Variants in PRAME observed in about 807,000 individuals in gnomAD.
PRAME encodes the protein PRAME nuclear receptor transcriptional regulator.
Under a neutral mutation model 32.1 loss-of-function variants are expected in PRAME, and 21 were observed. The ratio of observed to expected loss-of-function variants is 0.65; its 90% CI spans 0.46 to 0.94. The LOEUF (loss-of-function observed/expected upper bound fraction) is 0.94. PRAME is among the 40% of genes least tolerant of loss of function. The pLI is 0.00. For synonymous variants in PRAME, 274 were observed against 251.5 expected, an observed-to-expected ratio of 1.09 and a Z score of -0.85; for missense variants, 651 against 622.3, an observed-to-expected ratio of 1.05 and a Z score of -0.49.
At position 22,547,941 on chromosome 22, in the gene PRAME, CAT is replaced by C. The variant is rs2062341103; in HGVS notation, c.*124_*125del. ...GTCTGAATGTTTTTTCCTCACTGAA[CAT>C]GTTTTCCTCACTCACACTGAACATT... On this transcript the variant is annotated 3_prime_UTR_variant, in exon 6 of 6. Coordinates refer to ENST00000405655, the MANE Select transcript of PRAME (RefSeq NM_206956.3). 11 of 1,071,094 alleles carry C rather than the reference CAT, an allele frequency of 1.0e-5. No homozygotes were observed. The East Asian group carries it at 2.2e-4, about 21-fold the overall frequency. 66.3% of individuals were successfully genotyped at this position (1,071,094 alleles called of 1,614,324 possible). A position where few individuals can be genotyped will look rare whatever the true frequency, so the allele number is the denominator to read the frequency against.
intron 3 of PRAME, 52 bp downstream of exon 3, chr22:22,556,760 A>T: frequency 6.2e-7 from 1 of 1,608,350 alleles, no homozygotes; most frequent in Non-Finnish European, 8.5e-7. Flanking sequence ...ACAAGGACAG[A>T]GGGGAACAGG....
chr22:22,557,009 A>G, intron 2 of PRAME, 100 bp from the exon 3 acceptor site: 1 of 721,898 alleles, frequency 1.4e-6, no homozygotes, highest in East Asian at 2.7e-5. Context: ...CTGCTGAGGA[A>G]ACTGACAACT....
chr22:22,553,823 A>C, intron 3 of PRAME: 1 of 985,216 alleles, frequency 1.0e-6, no homozygotes, highest in African/African-American at 1.7e-5. Context: ...AGAAGTTGTC[A>C]GAAGACCTTC....
rs752925294 is a variant in PRAME, at chr22:22,549,869, G to C, written c.810C>G (p.Ile270Met). The C allele has an allele frequency of 6.2e-7, 1 of 1,613,892 alleles. No individual in the cohort carries two copies. The highest frequency in any genetic ancestry group is 1.1e-5 in the South Asian group (1 of 91,062). The change falls in exon 5 of 6, where the codon ATC (isoleucine) becomes ATG (methionine). Residue 270 changes from isoleucine to methionine, a missense_variant. Transcript: ENST00000405655. ...INLRRLLLSH[I>M]HASSYISPEK... Reference sequence around the variant, plus strand: ...CCGGGGAAATGTAGGAAGATGCATGGATGTGGGAGAGGAGGAGTCTACGCA... The same window carrying C: ...CCGGGGAAATGTAGGAAGATGCATGCATGTGGGAGAGGAGGAGTCTACGCA...
At chr22:22,554,141 G>A (rs1263636515) in intron 3 of PRAME, 1 of 984,950 alleles carries the variant, frequency 1.0e-6, no homozygotes, top group Non-Finnish European at 1.2e-6. Flanking sequence ...ATCTGCTTAG[G>A]GATGATTCCT....
rs2072049 is a variant in PRAME, at chr22:22,548,659, G to T, written c.954-16C>A. 820,358 of 1,556,638 alleles carry T rather than the reference G, an allele frequency of 0.53. 218,980 individuals carry two copies. The highest frequency in any genetic ancestry group is 0.63 in the South Asian group (54,809 of 86,718). ...CATCACGTGCCTGCAAATAGACAAA[G>T]CAGTTAGTGCTGGGGAATGGTGGTA... is the stretch of plus-strand genomic sequence containing the variant. On this transcript the variant is annotated splice_polypyrimidine_tract_variant and intron_variant, in intron 5 of 5. Coordinates refer to ENST00000405655, the MANE Select transcript of PRAME (RefSeq NM_206956.3).
chr22:22,550,404 C>T, intron 4 of PRAME, 70 bp from the exon 5 acceptor site: 2 of 1,541,740 alleles, frequency 1.3e-6, no homozygotes, highest in South Asian at 1.2e-5. Flanking sequence ...CCATGAGTCT[C>T]ATAATGTAGG....
intron 3 of PRAME, among the ~76,000 whole-genome samples, chr22:22,553,477 A>T (rs185174510): frequency 6.6e-6 from 1 of 152,010 alleles, no homozygotes; most frequent in East Asian, 2.0e-4. Flanking sequence ...TTTGGCCTGG[A>T]TGGAGTAGAG....
intron 3 of PRAME, chr22:22,554,066 G>A (rs2062759036): frequency 1.0e-6 from 1 of 984,154 alleles, no homozygotes; most frequent in Non-Finnish European, 1.2e-6. Context: ...CTATTTCCAT[G>A]CTAGGCACAG....
intron 3 of PRAME, among the ~76,000 whole-genome samples, chr22:22,554,721 TGAG>T (rs2062799982): frequency 1.3e-5 from 2 of 152,044 alleles, no homozygotes; most frequent in Admixed American, 6.5e-5. Context: ...AGCCCTTATG[TGAG>T]GAGTTTAGAA....
rs1335069538 is a variant in PRAME, at chr22:22,548,473, C to T, written c.1124G>A (p.Arg375Lys). 5 of 1,613,782 alleles carry T rather than the reference C, an allele frequency of 3.1e-6. No individual in the cohort carries two copies. Among genetic ancestry groups the T allele is most frequent in the Non-Finnish European group, 1.7e-6 (2 of 1,179,956 alleles). The change falls in exon 6 of 6, where the codon AGA becomes AAA. Residue 375 changes from arginine to lysine, a missense_variant. Physicochemically the swap from Arg to Lys is conservative, Grantham distance 26. Coordinates refer to ENST00000405655, the MANE Select transcript of PRAME (RefSeq NM_206956.3). ...CAGGTCCTGGAGGGTGGCAGAGGCT[C>T]TCTCCAGCAGAGCTTGGAGGGGCTC... is the stretch of plus-strand genomic sequence containing the variant. ...SPEPLQALLE[R>K]ASATLQDLVF...
Position 22,547,944 on chromosome 22 carries a change from G to C in PRAME, c.*123C>G. On this transcript the variant is annotated 3_prime_UTR_variant, in exon 6 of 6. Coordinates refer to ENST00000405655, the MANE Select transcript of PRAME (RefSeq NM_206956.3). ...TGAATGTTTTTTCCTCACTGAACATGTTTTCCTCACTCACACTGAACATTT... is the reference window on the plus strand; with the variant it reads ...TGAATGTTTTTTCCTCACTGAACATCTTTTCCTCACTCACACTGAACATTT... 1 of 1,103,292 alleles carries C rather than the reference G, an allele frequency of 9.1e-7. No individual in the cohort carries two copies. Among genetic ancestry groups the C allele is most frequent in the Non-Finnish European group, 1.3e-6 (1 of 764,590 alleles). The allele number at this position is 1,103,292 out of a possible 1,614,324, so 68.3% of individuals were successfully genotyped here.
intron 2 of PRAME, 165 bp from the exon 3 acceptor site, chr22:22,557,074 A>G: frequency 1.7e-6 from 1 of 587,908 alleles, no homozygotes; most frequent in Non-Finnish European, 3.0e-6. Flanking sequence ...CCTGAGCACC[A>G]GTGTTTCCTG....
chr22:22,556,712 G>T, intron 3 of PRAME, 100 bp downstream of exon 3: 1 of 1,415,098 alleles, frequency 7.1e-7, no homozygotes, highest in Non-Finnish European at 9.9e-7. Context: ...CGTCTACTGT[G>T]AGGGACCTCA....
rs753588169 is a variant in PRAME, at chr22:22,548,597, G to T, written c.1000C>A (p.Leu334Ile). 6.2e-7 allele frequency: 1 copy of T among 1,610,266 alleles called. No homozygotes were observed. Among genetic ancestry groups the T allele is most frequent in the Non-Finnish European group, 8.5e-7 (1 of 1,179,822 alleles). The change falls in exon 6 of 6, where the codon CTT becomes ATT. Residue 334 changes from leucine (L) to isoleucine (I), a missense_variant. Coordinates refer to ENST00000405655, the MANE Select transcript of PRAME (RefSeq NM_206956.3). Reference protein sequence around the residue: ...LETLSITNCRLSEGDVMHLSQ... With the variant: ...LETLSITNCRISEGDVMHLSQ... ...AGATGCATCACATCCCCTTCCGAAAGCCGGCAGTTAGTTATTGAGAGGGTT... is the reference window on the plus strand; with the variant it reads ...AGATGCATCACATCCCCTTCCGAAATCCGGCAGTTAGTTATTGAGAGGGTT...
intron 1 of PRAME, among the ~76,000 whole-genome samples, chr22:22,558,436 T>G (rs1020488229): frequency 7.2e-4 from 11 of 15,200 alleles, no homozygotes; most frequent in African/African-American, 1.2e-3. Flanking sequence ...AGGGTGGGGG[T>G]GGGGATGAGA....
chr22:22,550,773 C>T lies in PRAME; in HGVS notation c.338G>A (p.Arg113His), dbSNP rs771542086. The change falls in exon 4 of 6, where the codon CGC becomes CAC. Residue 113 changes from arginine (R) to histidine (H), a missense_variant. By Grantham distance (29) the Arg-to-His change is conservative. Transcript: ENST00000405655. ...GCTGCTAGGTCACCCTTACCTGGGG[C>T]GAACCTCCTGGGCAAGGAGCACATC... The part of the protein sequence containing the change: ...GLDVLLAQEV[R>H]PRRWKLQVLD... The T allele has an allele frequency of 7.0e-6, 11 of 1,578,288 alleles. No homozygotes were observed. Among genetic ancestry groups the T allele is most frequent in the South Asian group, 1.2e-5 (1 of 85,350 alleles).
Position 22,550,821 on chromosome 22 carries a change from A to G in PRAME, c.290T>C (p.Phe97Ser), listed in dbSNP as rs756221494. The change falls in exon 4 of 6, where the codon TTC becomes TCC. Residue 97 changes from phenylalanine (F) to serine (S), a missense_variant. Coordinates refer to ENST00000405655, the MANE Select transcript of PRAME (RefSeq NM_206956.3). ...MKGQHLHLET[F>S]KAVLDGLDVL... is the part of the protein sequence containing the mutation. ...ATCAAGTCCATCAAGCACAGCTTTG[A>G]AGGTCTCCAGGTGAAGATGTTGTCC... 6.2e-7 allele frequency: 1 copy of G among 1,611,566 alleles called. No homozygotes were observed. The highest frequency in any genetic ancestry group is 1.7e-5 in the Admixed American group (1 of 59,876).
At chr22:22,554,256 A>G (rs2062770741) in intron 3 of PRAME, 4 of 984,610 alleles carry the variant, frequency 4.1e-6, no homozygotes, top group South Asian at 4.7e-5. Flanking sequence ...AGTCCCTACA[A>G]TTCTTATATT....
Sources: allele counts gnomAD v4.1 joint callset (sites outside exome capture counted in the v4.1 genomes callset), GRCh38; gene constraint gnomAD v4.1.1; transcripts MANE v1.5; gene names NCBI Gene and HGNC (gene_info 2026-07-23, HGNC 2026-07-21).